The following CHL1 variants were observed in gnomAD, a reference collection of about 807,000 sequenced individuals.
CHL1 encodes the protein cell adhesion molecule L1 like.
A neutral mutation model predicts 141.9 loss-of-function variants in CHL1; 96 were observed. The observed-to-expected ratio is 0.68, with a 90% CI of 0.57 to 0.80. The LOEUF is 0.80. Ranked by LOEUF, CHL1 falls within the 30% of genes least tolerant of loss-of-function variation. The pLI is 0.00. For missense variants in CHL1, 1,820 were observed against 1,457.2 expected (o/e 1.25, Z -4.05); for synonymous variants, 613 against 502.2 (o/e 1.22, Z -2.95).
chr3:330,932 G>C (rs1180847700), intron 5 of CHL1, among the ~76,000 whole-genome samples: 1 of 151,544 alleles, frequency 6.6e-6, no homozygotes, highest in Non-Finnish European at 1.5e-5. Context: ...AATAGTTGAG[G>C]GAATTGGCAT....
intron 1 of CHL1, among the ~76,000 whole-genome samples, chr3:230,950 T>C (rs754021356): frequency 1.3e-5 from 2 of 152,196 alleles, no homozygotes; most frequent in Non-Finnish European, 2.9e-5. Context: ...TGCATATTTA[T>C]GGAGAAAGAA....
chr3:295,778 A>T (rs933797870), intron 2 of CHL1, among the ~76,000 whole-genome samples: 30 of 152,298 alleles, frequency 2.0e-4, no homozygotes, highest in African/African-American at 7.0e-4. Context: ...TTTCTTTTGT[A>T]CTTCCGTTAC....
chr3:331,729 A>G (rs926397589), intron 5 of CHL1, among the ~76,000 whole-genome samples: 2 of 152,228 alleles, frequency 1.3e-5, no homozygotes, highest in Non-Finnish European at 2.9e-5. Context: ...GTATTCATAA[A>G]TAATTTTACA....
intron 5 of CHL1, among the ~76,000 whole-genome samples, chr3:336,158 AG>A (rs1434805722): frequency 1.3e-5 from 2 of 152,172 alleles, no homozygotes; most frequent in Non-Finnish European, 2.9e-5. Flanking sequence ...CTGATGCTAC[AG>A]TGTTGTCTGT....
chr3:230,968 C>G (rs758800586), intron 1 of CHL1, among the ~76,000 whole-genome samples: 1 of 152,168 alleles, frequency 6.6e-6, no homozygotes, highest in Non-Finnish European at 1.5e-5. Context: ...GAATCCTTAG[C>G]TTTCCCCAGA....
At chr3:202,858 G>A (rs1699081915) in intron 1 of CHL1, among the ~76,000 whole-genome samples, 1 of 152,206 alleles carries the variant, frequency 6.6e-6, no homozygotes, top group Non-Finnish European at 1.5e-5. Flanking sequence ...AAATGTCTCT[G>A]TGAAGATGGT....
intron 2 of CHL1, among the ~76,000 whole-genome samples, chr3:283,385 A>G (rs17019407): frequency 0.11 from 17,391 of 152,220 alleles, 1,366 homozygotes; most frequent in African/African-American, 0.22. Flanking sequence ...ATTAGCAATC[A>G]CACATGGTTT....
chr3:349,851 T>C (rs1703092414), intron 10 of CHL1, among the ~76,000 whole-genome samples: 2 of 152,204 alleles, frequency 1.3e-5, no homozygotes, highest in Admixed American at 1.3e-4. Context: ...AATACACATA[T>C]ACATTTCATA....
intron 2 of CHL1, among the ~76,000 whole-genome samples, chr3:283,101 A>G (rs1022031346): frequency 7.9e-5 from 12 of 152,182 alleles, no homozygotes; most frequent in African/African-American, 2.7e-4. Context: ...CTCACTTGAC[A>G]CAGGGATCCT....
intron 2 of CHL1, among the ~76,000 whole-genome samples, chr3:261,802 T>A (rs1479689533): frequency 6.6e-6 from 1 of 152,154 alleles, no homozygotes; most frequent in East Asian, 1.9e-4. Context: ...GAAGTACAAT[T>A]GTTACTGATT....
At position 382,498 on chromosome 3, in the gene CHL1, A is replaced by G; in HGVS notation, c.2003A>G (p.Asn668Ser). 2.5e-6 allele frequency: 4 copies of G among 1,613,852 alleles called. No individual in the cohort carries two copies. Among genetic ancestry groups the G allele is most frequent in the Non-Finnish European group, 3.4e-6 (4 of 1,179,742 alleles). ...ISEYIVEFEG[N>S]KEEPGRWEEL... ...GAGTATATTGTTGAATTTGAAGGAA[A>G]CAAAGAAGAGCCTGGAAGGTGGGAG... The change falls in exon 18 of 28, where the codon AAC (asparagine) becomes AGC (serine). Residue 668 changes from asparagine (N) to serine (S), a missense_variant. Coordinates refer to ENST00000256509, the MANE Select transcript of CHL1 (RefSeq NM_006614.4).
chr3:245,119 C>T (rs769906474), intron 2 of CHL1, among the ~76,000 whole-genome samples: 2 of 152,162 alleles, frequency 1.3e-5, no homozygotes, highest in Non-Finnish European at 2.9e-5. Flanking sequence ...GCTCACGCTT[C>T]ATAGTCTGAA....
At position 342,969 on chromosome 3, in the gene CHL1, G is replaced by GT. The variant is rs745831224; in HGVS notation, c.680-8dup. ...CATTATGTTTGTGTTTTTTCCTTCC[G>GT]TTTTTTTATTTCAGTAAAGCATGCT... On this transcript the variant is annotated splice_polypyrimidine_tract_variant and intron_variant, in intron 7 of 27. Coordinates refer to ENST00000256509, the MANE Select transcript of CHL1 (RefSeq NM_006614.4). The GT allele has an allele frequency of 2.0e-5, 32 of 1,593,412 alleles. No homozygotes were observed. In the East Asian group the frequency reaches 3.6e-4, roughly 18 times the overall value.
chr3:322,827 C>T (rs1348997710), intron 3 of CHL1, among the ~76,000 whole-genome samples: 3 of 150,774 alleles, frequency 2.0e-5, no homozygotes, highest in Non-Finnish European at 4.4e-5. Flanking sequence ...CTGGCACTGG[C>T]ATCAAATTTA....
chr3:301,123 G>C (rs951357451), intron 2 of CHL1, among the ~76,000 whole-genome samples: 1 of 152,098 alleles, frequency 6.6e-6, no homozygotes, highest in African/African-American at 2.4e-5. Context: ...CTTTACATGA[G>C]CAATACAGAT....
chr3:203,206 C>A (rs1257885987), intron 1 of CHL1, among the ~76,000 whole-genome samples: 4 of 152,198 alleles, frequency 2.6e-5, no homozygotes, highest in African/African-American at 9.7e-5. Context: ...ACCAATGTCC[C>A]TTGGACTTTG....
chr3:382,356 C>T (rs1396601178), intron 17 of CHL1, 76 bp downstream of exon 17: 66 of 1,470,588 alleles, frequency 4.5e-5, no homozygotes, highest in Non-Finnish European at 2.8e-6. Context: ...TTTAACCACT[C>T]TTACTGGTTT....
In CHL1 at chr3:394,790, G is replaced by C; in HGVS notation, c.3012G>C (p.Lys1004Asn). 6.2e-7 allele frequency: 1 copy of C among 1,614,028 alleles called. No individual in the cohort carries two copies. The highest frequency in any genetic ancestry group is 8.5e-7 in the Non-Finnish European group (1 of 1,179,974). Residue 1004 changes from lysine to asparagine, a missense_variant, in exon 24 of 28, where the codon AAG (lysine) becomes AAC (asparagine). Physicochemically the swap from Lys to Asn is moderately conservative, Grantham distance 94. Transcript: ENST00000256509. ...WHLSNLNATTKYKFYLRACTS... is the reference protein window; with the variant it reads ...WHLSNLNATTNYKFYLRACTS... ...TCTCAAACCTGAATGCAACTACCAA[G>C]TACAAATTCTACTTGAGGGCTTGCA...
chr3:289,154 T>C (rs1436434689), intron 2 of CHL1, among the ~76,000 whole-genome samples: 1 of 152,218 alleles, frequency 6.6e-6, no homozygotes, highest in Non-Finnish European at 1.5e-5. Context: ...TCCTTTAATG[T>C]AACAACTGTT....
Sources: gnomAD v4.1 joint callset for allele counts (sites outside exome capture counted in the v4.1 genomes callset) on GRCh38, gnomAD v4.1.1 for gene constraint, MANE v1.5 for transcripts, NCBI Gene and HGNC (gene_info 2026-07-23, HGNC 2026-07-21) for gene names.